The following GTF2H2C variants were observed in gnomAD, a reference collection of about 807,000 sequenced individuals.
GTF2H2C encodes the protein general transcription factor IIH subunit 2-like protein.
GTF2H2C carries 5 observed loss-of-function variants against 24.8 expected under a neutral mutation model. That is an observed-to-expected ratio of 0.20 (90% CI 0.11 to 0.42). GTF2H2C has a LOEUF of 0.42. Ranked by LOEUF, GTF2H2C falls within the 20% of genes least tolerant of loss-of-function variation. The pLI is 1.00. For synonymous variants in GTF2H2C, 14 were observed against 52.6 expected, an observed-to-expected ratio of 0.27 and a Z score of 3.18; for missense variants, 45 against 169.8, an observed-to-expected ratio of 0.27 and a Z score of 4.08.
intron 3 of GTF2H2C, 133 bp from the exon 4 acceptor site, chr5:69,565,998 C>T: frequency 7.4e-6 from 5 of 679,640 alleles, no homozygotes; most frequent in Non-Finnish European, 1.3e-5. Flanking sequence ...AGGTTCTTTA[C>T]AGTTTTTGAC....
At chr5:69,580,907 T>TTTTTTTTGTG (rs1771544863) in intron 12 of GTF2H2C, among the ~76,000 whole-genome samples, 1 of 108,802 alleles carries the variant, frequency 9.2e-6, no homozygotes, top group African/African-American at 3.5e-5. Flanking sequence ...CTTTTTTTTT[T>TTTTTTTTGTG]TGAGATGGAG....
At chr5:69,573,183 C>CACAT (rs1160716153) in intron 9 of GTF2H2C, among the ~76,000 whole-genome samples, 23 of 140,758 alleles carry the variant, frequency 1.6e-4, no homozygotes, top group Non-Finnish European at 2.9e-4. Flanking sequence ...CACACACACA[C>CACAT]GTATATATAT....
chr5:69,563,146 A>G (rs1330336382), intron 2 of GTF2H2C, among the ~76,000 whole-genome samples: 1 of 149,492 alleles, frequency 6.7e-6, no homozygotes, highest in African/African-American at 2.5e-5. Context: ...ACCTCAAGTG[A>G]TCACCTGCTT....
At chr5:69,561,222 C>T (rs1013140126) in intron 1 of GTF2H2C, among the ~76,000 whole-genome samples, 5 of 151,674 alleles carry the variant, frequency 3.3e-5, no homozygotes, top group Admixed American at 6.6e-5. Context: ...ACCTCCTGTC[C>T]AGTCGGATTT....
intron 4 of GTF2H2C, 171 bp downstream of exon 4, chr5:69,566,379 G>T (rs1770760253): frequency 2.1e-6 from 2 of 963,614 alleles, no homozygotes; most frequent in South Asian, 3.5e-5. Context: ...AGCAGGAAAT[G>T]GTCTTTAGAG....
intron 1 of GTF2H2C, among the ~76,000 whole-genome samples, chr5:69,562,013 G>A (rs1473197387): frequency 6.6e-6 from 1 of 152,086 alleles, no homozygotes; most frequent in East Asian, 1.9e-4. Flanking sequence ...ACAGAAAACA[G>A]GGAGGAGCAA....
intron 8 of GTF2H2C, chr5:69,569,891 C>T (rs1389157378): frequency 6.1e-5 from 2 of 32,872 alleles, no homozygotes; most frequent in Non-Finnish European, 1.9e-4. Flanking sequence ...AGGCTGATCT[C>T]GAACTCCTGA....
In GTF2H2C at chr5:69,593,938, G is replaced by GAAAAAAA. The variant is rs1174187959; in HGVS notation, c.*1760_*1766dup. 4.8e-5 allele frequency among the ~76,000 whole-genome samples: 2 copies of GAAAAAAA among 41,768 alleles called. No individual in the cohort carries two copies. Among genetic ancestry groups the GAAAAAAA allele is most frequent in the African/African-American group, 2.1e-4 (2 of 9,470 alleles). The allele number at this position is 41,768 out of a possible 152,430, so 27.4% of individuals were successfully genotyped here. A position where few individuals can be genotyped will look rare whatever the true frequency, so the allele number is the denominator to read the frequency against. Reference sequence around the variant, plus strand: ...GCGACAGAGCTAGACTCTGTCTCAAGAAAAAAAAAAAAAAAAAAAAAAAAA... The same window carrying GAAAAAAA: ...GCGACAGAGCTAGACTCTGTCTCAAGAAAAAAAAAAAAAAAAAAAAAAAAAAAAAAAA... On this transcript the variant is annotated 3_prime_UTR_variant, in exon 17 of 17. Transcript: ENST00000380729.
intron 1 of GTF2H2C, among the ~76,000 whole-genome samples, chr5:69,562,104 A>C (rs1381861797): frequency 6.6e-6 from 1 of 152,016 alleles, no homozygotes; most frequent in East Asian, 1.9e-4. Context: ...GGGTCACCTG[A>C]GGTCAGGAGT....
intron 8 of GTF2H2C, chr5:69,568,469 TCC>T: frequency 2.9e-6 from 1 of 348,552 alleles, no homozygotes. Context: ...TATGTGCTTA[TCC>T]TGAAATTTTT....
chr5:69,561,187 C>T (rs1770312839), intron 1 of GTF2H2C, among the ~76,000 whole-genome samples: 1 of 151,912 alleles, frequency 6.6e-6, no homozygotes, highest in Non-Finnish European at 1.5e-5. Context: ...TCCCATTGAA[C>T]GTCTGCAGTT....
chr5:69,568,143 T>C lies in GTF2H2C; in HGVS notation c.310-10T>C. The C allele has an allele frequency of 2.4e-6, 1 of 421,076 alleles. No homozygotes were observed. The highest frequency in any genetic ancestry group is 4.0e-6 in the Non-Finnish European group (1 of 248,238). 26.1% of individuals were successfully genotyped at this position (421,076 alleles called of 1,614,324 possible). Reference sequence around the variant, plus strand: ...GTTATATTAATAATAATTTTTGTTTTTATTTCAAGATTGGAATAATTGTAA... The same window carrying C: ...GTTATATTAATAATAATTTTTGTTTCTATTTCAAGATTGGAATAATTGTAA... On this transcript the variant is annotated splice_polypyrimidine_tract_variant and intron_variant, in intron 7 of 16. Transcript: ENST00000380729.
chr5:69,562,058 C>T (rs1770395441), intron 1 of GTF2H2C, among the ~76,000 whole-genome samples: 1 of 152,042 alleles, frequency 6.6e-6, no homozygotes, highest in Non-Finnish European at 1.5e-5. Flanking sequence ...GTGACTCACG[C>T]CTGTAATCCC....
chr5:69,591,571 A>G (rs537878917), intron 16 of GTF2H2C, among the ~76,000 whole-genome samples: 1 of 151,878 alleles, frequency 6.6e-6, no homozygotes, highest in South Asian at 2.1e-4. Context: ...TCATATATGT[A>G]ATGCTGAAAG....
In GTF2H2C at chr5:69,593,588, A is replaced by G. The variant is rs979263569; in HGVS notation, c.*1390A>G. 1 of 3,424 alleles carries G rather than the reference A, an allele frequency of 2.9e-4. No homozygotes were observed. The highest frequency in any genetic ancestry group is 3.0e-3 in the East Asian group (1 of 328). 0.2% of individuals were successfully genotyped at this position (3,424 alleles called of 1,614,324 possible). On this transcript the variant is annotated 3_prime_UTR_variant, in exon 17 of 17. Coordinates refer to ENST00000380729, the MANE Select transcript of GTF2H2C (RefSeq NM_001376000.2). Reference sequence around the variant, plus strand: ...TGATGAAGTCTGTGTTTTAGATTCAATGCAGATATATCATTGTGGGCAGAA... The same window carrying G: ...TGATGAAGTCTGTGTTTTAGATTCAGTGCAGATATATCATTGTGGGCAGAA...
At chr5:69,579,944 AT>A in intron 12 of GTF2H2C, 80 bp downstream of exon 12, 1 of 1,385,822 alleles carries the variant, frequency 7.2e-7, no homozygotes, top group Non-Finnish European at 9.8e-7. Context: ...ATATTTAAGA[AT>A]TTTTAAAGAA....
intron 2 of GTF2H2C, among the ~76,000 whole-genome samples, chr5:69,564,682 TAATA>T (rs1484911322): frequency 1.4e-5 from 2 of 144,542 alleles, no homozygotes; most frequent in Non-Finnish European, 3.0e-5. Flanking sequence ...CATTTATAAA[TAATA>T]AATGTGATTT....
chr5:69,560,679 G>T (rs1239839799), intron 1 of GTF2H2C: 1 of 151,046 alleles, frequency 6.6e-6, no homozygotes, highest in South Asian at 2.1e-4. Flanking sequence ...CCGAGCTCAT[G>T]TAACGGGAAT....
At chr5:69,589,860 T>G (rs1355832803) in intron 15 of GTF2H2C, among the ~76,000 whole-genome samples, 3 of 134,026 alleles carry the variant, frequency 2.2e-5, no homozygotes, top group African/African-American at 5.5e-5. Context: ...AATTTTTTTT[T>G]AAATTATTGC....
Sources: gnomAD v4.1 joint callset for allele counts (sites outside exome capture counted in the v4.1 genomes callset) on GRCh38, gnomAD v4.1.1 for gene constraint, MANE v1.5 for transcripts, NCBI Gene and HGNC (gene_info 2026-07-23, HGNC 2026-07-21) for gene names.